Variants in GALNT13 observed in about 807,000 individuals in gnomAD.
The protein encoded by GALNT13 is polypeptide N-acetylgalactosaminyltransferase 13, also known as UDP-GalNAc:polypeptide N-acetylgalactosaminyltransferase 13.
A neutral mutation model predicts 64.2 loss-of-function variants in GALNT13; 28 were observed. The observed-to-expected ratio is 0.44, with a 90% confidence interval of 0.32 to 0.60. The LOEUF (loss-of-function observed/expected upper bound fraction) is 0.60. Ranked by LOEUF, GALNT13 falls within the 20% of genes least tolerant of loss-of-function variation. GALNT13 has a pLI of 0.05. For synonymous variants in GALNT13, 214 were observed against 224.6 expected (o/e 0.95, Z 0.42); for missense variants, 577 against 669.8 (o/e 0.86, Z 1.53).
chr2:153,564,495 A>G, the GALNT13 span, among the ~76,000 whole-genome samples: 1 of 152,206 alleles, frequency 6.6e-6, no homozygotes, highest in Non-Finnish European at 1.5e-5. Flanking sequence ...TCAATACTTT[A>G]TAAAGAGCTT....
the GALNT13 span, among the ~76,000 whole-genome samples, chr2:153,726,585 TATTTTA>T: frequency 6.6e-6 from 1 of 152,196 alleles, no homozygotes; most frequent in Non-Finnish European, 1.5e-5. Flanking sequence ...GAAATCTCTT[TATTTTA>T]AAGATATGTA....
chr2:153,365,203 A>C, the GALNT13 span, among the ~76,000 whole-genome samples: 1 of 152,210 alleles, frequency 6.6e-6, no homozygotes, highest in East Asian at 1.9e-4. Context: ...AGAAAACTGA[A>C]ACTGGACCCC....
At chr2:153,111,746 G>A in the GALNT13 span, among the ~76,000 whole-genome samples, 1 of 152,098 alleles carries the variant, frequency 6.6e-6, no homozygotes, top group African/African-American at 2.4e-5. Context: ...TAACATAATA[G>A]ACCATACTAA....
chr2:153,758,135 A>T, the GALNT13 span, among the ~76,000 whole-genome samples: 1 of 152,032 alleles, frequency 6.6e-6, no homozygotes, highest in Admixed American at 6.6e-5. Context: ...TCAATTTTTA[A>T]CCCAGTTTGA....
At chr2:153,763,044 TTA>T in the GALNT13 span, among the ~76,000 whole-genome samples, 6 of 151,930 alleles carry the variant, frequency 3.9e-5, no homozygotes, top group Admixed American at 3.9e-4. Flanking sequence ...TACCCACATT[TTA>T]TGTTTTTGAT....
chr2:153,674,720 A>G, the GALNT13 span, among the ~76,000 whole-genome samples: 1 of 152,312 alleles, frequency 6.6e-6, no homozygotes, highest in African/African-American at 2.4e-5. Flanking sequence ...TAAACTAAAG[A>G]GCTTCTGCAC....
chr2:154,022,496 G>T (rs1485166147), intron 3 of GALNT13, among the ~76,000 whole-genome samples: 1 of 152,190 alleles, frequency 6.6e-6, no homozygotes, highest in Non-Finnish European at 1.5e-5. Context: ...GGTGTTTATA[G>T]TATTCTCTGA....
chr2:153,617,969 A>G, the GALNT13 span, among the ~76,000 whole-genome samples: 1 of 151,560 alleles, frequency 6.6e-6, no homozygotes, highest in Non-Finnish European at 1.5e-5. Context: ...TTACATTTTT[A>G]AAAAACAACT....
intron 4 of GALNT13, among the ~76,000 whole-genome samples, chr2:154,173,108 T>A (rs571360570): frequency 1.3e-5 from 2 of 152,068 alleles, no homozygotes; most frequent in Admixed American, 1.3e-4. Context: ...CAAATCAGCA[T>A]GGTATTGGCA....
the GALNT13 span, among the ~76,000 whole-genome samples, chr2:153,618,978 C>T: frequency 6.6e-6 from 1 of 152,016 alleles, no homozygotes; most frequent in South Asian, 2.1e-4. Flanking sequence ...TCCATTTAGC[C>T]AGTCTCTGTC....
chr2:153,256,219 A>G, the GALNT13 span, among the ~76,000 whole-genome samples: 2 of 151,038 alleles, frequency 1.3e-5, no homozygotes, highest in African/African-American at 2.4e-5. Context: ...CATTCATTTC[A>G]TCTTCCATCG....
intron 2 of GALNT13, among the ~76,000 whole-genome samples, chr2:153,927,488 GTTT>G (rs1690226764): frequency 1.3e-5 from 2 of 151,412 alleles, no homozygotes; most frequent in African/African-American, 4.8e-5. Context: ...TAACATCTGT[GTTT>G]TCTATTAATG....
At chr2:153,928,196 A>T (rs564259123) in intron 2 of GALNT13, among the ~76,000 whole-genome samples, 4 of 152,258 alleles carry the variant, frequency 2.6e-5, no homozygotes, top group African/African-American at 9.6e-5. Flanking sequence ...TTTTCTACAA[A>T]TAAATGCCCC....
chr2:154,251,827 A>G (rs1037156115), intron 7 of GALNT13, among the ~76,000 whole-genome samples: 5 of 152,184 alleles, frequency 3.3e-5, no homozygotes, highest in African/African-American at 1.2e-4. Context: ...GTTATAGTGC[A>G]TAGAATAAGG....
chr2:154,264,977 A>G (rs894085015), intron 8 of GALNT13, among the ~76,000 whole-genome samples: 1 of 149,602 alleles, frequency 6.7e-6, no homozygotes, highest in Non-Finnish European at 1.5e-5. Context: ...TGATAAAAAA[A>G]AATATATATA....
the GALNT13 span, among the ~76,000 whole-genome samples, chr2:153,323,187 A>G: frequency 2.0e-4 from 31 of 151,926 alleles, no homozygotes; most frequent in African/African-American, 7.3e-4. Flanking sequence ...AATGATTGCC[A>G]CTCTAACTGG....
At chr2:154,193,486 G>A (rs894408151) in intron 4 of GALNT13, among the ~76,000 whole-genome samples, 3 of 152,144 alleles carry the variant, frequency 2.0e-5, no homozygotes, top group Admixed American at 6.5e-5. Context: ...TGACCATGAC[G>A]AAACATCACT....
At chr2:153,630,807 A>ATATT in the GALNT13 span, among the ~76,000 whole-genome samples, 1 of 21,990 alleles carries the variant, frequency 4.5e-5, no homozygotes, top group East Asian at 1.8e-3. Context: ...ATATATATAT[A>ATATT]TTTTTTTTTT....
intron 3 of GALNT13, among the ~76,000 whole-genome samples, chr2:154,043,270 G>A (rs2105330685): frequency 6.6e-6 from 1 of 151,710 alleles, no homozygotes; most frequent in African/African-American, 2.4e-5. Flanking sequence ...AAAGCAAAAT[G>A]TATACAGGAG....
Sources: allele counts gnomAD v4.1 joint callset (sites outside exome capture counted in the v4.1 genomes callset), GRCh38; gene constraint gnomAD v4.1.1; transcripts MANE v1.5; gene names NCBI Gene and HGNC (gene_info 2026-07-23, HGNC 2026-07-21).